Variants in LAMA2 observed in about 807,000 individuals in gnomAD.
The protein encoded by LAMA2 is laminin subunit alpha-2.
Under a neutral mutation model 364.8 loss-of-function variants are expected in LAMA2, and 269 were observed. That is an observed-to-expected ratio of 0.74 (90% CI 0.67 to 0.82). LAMA2 has a LOEUF of 0.82. LAMA2 is among the 40% of genes least tolerant of loss of function. LAMA2 has a pLI of 0.00. For missense variants in LAMA2, 3,807 were observed against 3,873.2 expected (o/e 0.98, Z 0.45); for synonymous variants, 1,379 against 1,370.6 (o/e 1.01, Z -0.14).
intron 41 of LAMA2, 30 bp downstream of exon 41, chr6:129,427,884 C>T (rs1236254525): frequency 1.9e-5 from 25 of 1,340,100 alleles, no homozygotes; most frequent in Non-Finnish European, 2.6e-5. Context: ...TTATTATATT[C>T]CAGTTAATCG....
chr6:129,006,464 C>T (rs572015332), intron 1 of LAMA2, among the ~76,000 whole-genome samples: 15 of 152,218 alleles, frequency 9.9e-5, no homozygotes, highest in South Asian at 2.1e-4. Flanking sequence ...TCATCTCTTC[C>T]GTTCTTTCCT....
chr6:128,970,957 TA>T (rs1187102877), intron 1 of LAMA2, among the ~76,000 whole-genome samples: 1 of 152,100 alleles, frequency 6.6e-6, no homozygotes, highest in Non-Finnish European at 1.5e-5. Context: ...CTGGTAGCCA[TA>T]GGGGAAGATA....
intron 48 of LAMA2, among the ~76,000 whole-genome samples, chr6:129,457,767 C>T (rs761712194): frequency 1.3e-5 from 2 of 152,038 alleles, no homozygotes; most frequent in African/African-American, 2.4e-5. Context: ...TTATTTCTCA[C>T]AATTCTTGAA....
intron 30 of LAMA2, among the ~76,000 whole-genome samples, chr6:129,346,916 G>C (rs1776587113): frequency 6.6e-6 from 1 of 152,132 alleles, no homozygotes; most frequent in African/African-American, 2.4e-5. Context: ...AATGTGAATG[G>C]TGTGAGCCAT....
At chr6:129,148,475 G>A (rs1010480689) in intron 6 of LAMA2, among the ~76,000 whole-genome samples, 1 of 152,030 alleles carries the variant, frequency 6.6e-6, no homozygotes, top group Non-Finnish European at 1.5e-5. Context: ...AGACAGGCTT[G>A]GAAGGCCAAT....
intron 40 of LAMA2, among the ~76,000 whole-genome samples, chr6:129,417,778 G>T (rs1164269036): frequency 6.6e-6 from 1 of 152,192 alleles, no homozygotes; most frequent in East Asian, 1.9e-4. Flanking sequence ...GGCCAAGATA[G>T]TAGGGGGCTA....
chr6:129,366,329 T>A lies in LAMA2; in HGVS notation c.4828T>A (p.Tyr1610Asn). 1 of 1,613,976 alleles carries A rather than the reference T, an allele frequency of 6.2e-7. No homozygotes were observed. Among genetic ancestry groups the A allele is most frequent in the Non-Finnish European group, 8.5e-7 (1 of 1,179,986 alleles). ...GPLPAPYKML[Y>N]GLENMTQELK... is the part of the protein sequence containing the mutation. ...GCTGCCTGCGCCATATAAAATGCTG[T>A]ATGGTCTTGAAAATATGACTCAGGA... is the stretch of plus-strand genomic sequence containing the variant. Residue 1610 changes from tyrosine (Y) to asparagine (N), a missense_variant, in exon 33 of 65, where the codon TAT becomes AAT. Physicochemically the swap from Tyr to Asn is moderately radical, Grantham distance 143. Transcript: ENST00000421865.
chr6:129,092,558 A>G (rs1416412783), intron 3 of LAMA2, among the ~76,000 whole-genome samples: 2 of 152,224 alleles, frequency 1.3e-5, no homozygotes, highest in Admixed American at 6.5e-5. Context: ...GTTAAAATCC[A>G]TAACATGGGC....
Position 129,445,758 on chromosome 6 carries a change from C to T in LAMA2, c.6366C>T (p.Asn2122=), listed in dbSNP as rs1034340420. 1 of 1,613,318 alleles carries T rather than the reference C, an allele frequency of 6.2e-7. No homozygotes were observed. The highest frequency in any genetic ancestry group is 1.3e-5 in the African/African-American group (1 of 74,844). Residue 2122 remains asparagine (N), a synonymous_variant, in exon 45 of 65, where the codon AAC becomes AAT. Transcript: ENST00000421865. ...KLKPIKELED[N]LKKNISEIKE... is the part of the protein sequence containing the mutation. ...AACCCATCAAGGAACTTGAGGATAA[C>T]CTAAAGAAAAACATCTCTGAGATAA...
chr6:129,159,515 A>G (rs1480803652), intron 8 of LAMA2, among the ~76,000 whole-genome samples: 2 of 152,180 alleles, frequency 1.3e-5, no homozygotes, highest in Non-Finnish European at 2.9e-5. Context: ...AGCACCCACC[A>G]TGCTTAATTT....
At chr6:129,028,791 T>C (rs1786019468) in intron 1 of LAMA2, among the ~76,000 whole-genome samples, 1 of 151,926 alleles carries the variant, frequency 6.6e-6, no homozygotes, top group Non-Finnish European at 1.5e-5. Context: ...TAAGTTTAAG[T>C]TCTTAATATA....
Position 129,505,185 on chromosome 6 carries a change from C to T in LAMA2, c.8548-15C>T, listed in dbSNP as rs1785956142. 2 of 1,611,798 alleles carry T rather than the reference C, an allele frequency of 1.2e-6. No homozygotes were observed. The highest frequency in any genetic ancestry group is 1.7e-6 in the Non-Finnish European group (2 of 1,178,142). On this transcript the variant is annotated splice_polypyrimidine_tract_variant and intron_variant, in intron 60 of 64. Coordinates refer to ENST00000421865, the MANE Select transcript of LAMA2 (RefSeq NM_000426.4). ...TGTTCAGGATTGGCATTAATGACTC[C>T]TTTCTTTTTTGTAGATTAAGATAAT...
chr6:129,154,842 C>A (rs1445990873), intron 8 of LAMA2, among the ~76,000 whole-genome samples, 159 bp downstream of exon 8: 6 of 152,134 alleles, frequency 3.9e-5, no homozygotes, highest in Non-Finnish European at 8.8e-5. Flanking sequence ...TGACCTAAAT[C>A]TTTGAGGATG....
At chr6:129,297,030 ATC>A (rs1282396590) in intron 20 of LAMA2, among the ~76,000 whole-genome samples, 1 of 152,210 alleles carries the variant, frequency 6.6e-6, no homozygotes, top group Non-Finnish European at 1.5e-5. Context: ...TACTTACCTG[ATC>A]TGGTGCTTTA....
At chr6:129,419,241 A>C (rs995839808) in intron 40 of LAMA2, among the ~76,000 whole-genome samples, 8 of 152,164 alleles carry the variant, frequency 5.3e-5, no homozygotes, top group African/African-American at 1.9e-4. Context: ...ACAATGCCAC[A>C]ATGCAATCTA....
At chr6:129,120,351 A>G (rs1356816488) in intron 4 of LAMA2, among the ~76,000 whole-genome samples, 1 of 152,226 alleles carries the variant, frequency 6.6e-6, no homozygotes, top group Non-Finnish European at 1.5e-5. Context: ...TACGAAAAGG[A>G]AAGTCAAAAT....
Position 129,125,049 on chromosome 6 carries a change from G to C in LAMA2, c.640-18852G>C, listed in dbSNP as rs115985113. ...GGAATAGAAGATACATTTTCAAAGTGGAACCAATAGTATTTCCTGACCAAT... is the reference window on the plus strand; with the variant it reads ...GGAATAGAAGATACATTTTCAAAGTCGAACCAATAGTATTTCCTGACCAAT... On this transcript the variant is annotated intron_variant, in intron 4 of 64. Transcript: ENST00000421865. 9.7e-3 allele frequency among the ~76,000 whole-genome samples: 1,474 copies of C among 152,288 alleles called. 28 individuals are homozygous for C. The highest frequency in any genetic ancestry group is 0.034 in the African/African-American group (1,406 of 41,538).
intron 1 of LAMA2, among the ~76,000 whole-genome samples, chr6:128,910,166 G>C (rs1303849578): frequency 6.6e-6 from 1 of 152,084 alleles, no homozygotes; most frequent in Admixed American, 6.5e-5. Context: ...TGTATTTCCT[G>C]AATCTGAACG....
chr6:129,299,637 A>G (rs1282908911), intron 21 of LAMA2, among the ~76,000 whole-genome samples: 1 of 152,162 alleles, frequency 6.6e-6, no homozygotes, highest in African/African-American at 2.4e-5. Context: ...TTTCTTCTTA[A>G]TGAAGGACAC....
Sources: gnomAD v4.1 joint callset for allele counts (sites outside exome capture counted in the v4.1 genomes callset) on GRCh38, gnomAD v4.1.1 for gene constraint, MANE v1.5 for transcripts, NCBI Gene and HGNC (gene_info 2026-07-23, HGNC 2026-07-21) for gene names.